The following CYP2F1 variants were observed in gnomAD, a reference collection of about 807,000 sequenced individuals.
The protein encoded by CYP2F1 is cytochrome P450 family 2 subfamily F member 1, also known as cytochrome P450 2F1.
Under a neutral mutation model 40.4 loss-of-function variants are expected in CYP2F1, and 33 were observed. That is an observed-to-expected ratio of 0.82 (90% CI 0.62 to 1.09). The LOEUF is 1.09. Ranked by LOEUF, CYP2F1 falls within the 50% of genes least tolerant of loss-of-function variation. The probability of loss-of-function intolerance (pLI) is 0.00; values close to 1 mark genes in which losing one functional copy is unlikely to be tolerated. For synonymous variants in CYP2F1, 235 were observed against 277.2 expected (o/e 0.85, Z 1.51); for missense variants, 566 against 655.7 (o/e 0.86, Z 1.49).
At chr19:41,125,448 TC>T in intron 8 of CYP2F1, 44 bp from the exon 9 acceptor site, 2 of 1,092,090 alleles carry the variant, frequency 1.8e-6, no homozygotes, top group Non-Finnish European at 1.3e-6. Flanking sequence ...TTTGGGAGCC[TC>T]CCAGCCCTCC....
intron 7 of CYP2F1, 115 bp from the exon 8 acceptor site, chr19:41,124,604 C>T: frequency 1.0e-6 from 1 of 985,646 alleles, no homozygotes; most frequent in Non-Finnish European, 1.5e-6. Flanking sequence ...AGTGGCGCCC[C>T]GCGCTGGGAG....
At chr19:41,115,475 C>T (rs141019773) in intron 1 of CYP2F1, among the ~76,000 whole-genome samples, 2 of 152,296 alleles carry the variant, frequency 1.3e-5, no homozygotes, top group African/African-American at 4.8e-5. Context: ...GTCTCTGTCC[C>T]TGTGTGTCTT....
At chr19:41,127,730 T>C (rs1238745143) in intron 9 of CYP2F1, among the ~76,000 whole-genome samples, 171 bp from the exon 10 acceptor site, 4 of 152,148 alleles carry the variant, frequency 2.6e-5, no homozygotes, top group Non-Finnish European at 5.9e-5. Context: ...GCAGCCCAGG[T>C]CATTCCACTC....
chr19:41,125,148 C>A (rs1192505144), intron 8 of CYP2F1: 2 of 561,822 alleles, frequency 3.6e-6, no homozygotes, highest in Non-Finnish European at 6.2e-6. Context: ...TTCCTAGAAC[C>A]CCTCCCTGGA....
chr19:41,119,183 G>C (rs75520282), intron 3 of CYP2F1, among the ~76,000 whole-genome samples: 1 of 152,302 alleles, frequency 6.6e-6, no homozygotes, highest in Non-Finnish European at 1.5e-5. Flanking sequence ...GGGTGAAAGT[G>C]CTCTGGGAAA....
At chr19:41,119,748 T>TATATATATATATATATACAC (rs1337166345) in intron 3 of CYP2F1, among the ~76,000 whole-genome samples, 5 of 36,092 alleles carry the variant, frequency 1.4e-4, no homozygotes, top group East Asian at 1.2e-3. Flanking sequence ...TATATATATA[T>TATATATATATATATATACAC]ACACACACAC....
At position 41,120,398 on chromosome 19, in the gene CYP2F1, T is replaced by G; in HGVS notation, c.386T>G (p.Ile129Ser). The G allele has an allele frequency of 6.2e-7, 1 of 1,614,028 alleles. No homozygotes were observed. The highest frequency in any genetic ancestry group is 8.5e-7 in the Non-Finnish European group (1 of 1,179,974). ...DRWKVLRQFS[I>S]QILRNFGMGK... is the part of the protein sequence containing the mutation. Reference sequence around the variant, plus strand: ...TGGAAGGTCCTGAGACAGTTCTCTATCCAGATTCTACGGAATTTCGGGATG... The same window carrying G: ...TGGAAGGTCCTGAGACAGTTCTCTAGCCAGATTCTACGGAATTTCGGGATG... Residue 129 changes from isoleucine (I) to serine (S), a missense_variant, in exon 4 of 10, where the codon ATC becomes AGC. By Grantham distance (142) the Ile-to-Ser change is moderately radical. Around this residue, in one of 5 missense-constraint regions of CYP2F1, gnomAD observed 264 missense variants for 275.7 expected, o/e 0.96. Coordinates refer to ENST00000331105, the MANE Select transcript of CYP2F1 (RefSeq NM_000774.5).
intron 7 of CYP2F1, among the ~76,000 whole-genome samples, chr19:41,124,255 C>CACTT (rs1568381420): frequency 2.8e-5 from 1 of 35,250 alleles, no homozygotes; most frequent in African/African-American, 1.2e-4. Flanking sequence ...TCCCCCCCCC[C>CACTT]TTTTTTTTTT....
At chr19:41,120,991 G>C (rs2032162445) in intron 4 of CYP2F1, among the ~76,000 whole-genome samples, 1 of 151,984 alleles carries the variant, frequency 6.6e-6, no homozygotes, top group African/African-American at 2.4e-5. Flanking sequence ...TTGTGTGGCA[G>C]GATTATGTAG....
intron 3 of CYP2F1, among the ~76,000 whole-genome samples, chr19:41,117,262 C>A (rs961192678): frequency 6.6e-5 from 10 of 152,088 alleles, no homozygotes; most frequent in Non-Finnish European, 1.5e-4. Flanking sequence ...TCCTGAGTAG[C>A]TGGGACTACA....
intron 7 of CYP2F1, 80 bp downstream of exon 7, chr19:41,123,043 TC>T: frequency 6.7e-7 from 1 of 1,498,498 alleles, no homozygotes; most frequent in Non-Finnish European, 9.1e-7. Flanking sequence ...CGGCCCCGCC[TC>T]CCAGGTCTGA....
intron 4 of CYP2F1, among the ~76,000 whole-genome samples, chr19:41,121,226 G>A (rs556968279): frequency 2.0e-5 from 3 of 152,034 alleles, no homozygotes; most frequent in Non-Finnish European, 2.9e-5. Context: ...GTGGTTGGGC[G>A]TTGTTGCTGT....
At chr19:41,117,293 GT>G in intron 3 of CYP2F1, among the ~76,000 whole-genome samples, 1 of 152,096 alleles carries the variant, frequency 6.6e-6, no homozygotes, top group South Asian at 2.1e-4. Flanking sequence ...ACCACACCTG[GT>G]TAATGTTTTG....
At chr19:41,117,265 G>C (rs562735732) in intron 3 of CYP2F1, among the ~76,000 whole-genome samples, 3 of 152,090 alleles carry the variant, frequency 2.0e-5, no homozygotes, top group African/African-American at 7.2e-5. Flanking sequence ...TGAGTAGCTG[G>C]GACTACAGGT....
rs1805060663 is a variant in CYP2F1, at chr19:41,120,415, T to C, written c.403T>C (p.Phe135Leu). Residue 135 changes from phenylalanine to leucine, a missense_variant, in exon 4 of 10, where the codon TTC becomes CTC. By Grantham distance (22) the Phe-to-Leu change is conservative. Transcript: ENST00000331105. ...GTTCTCTATCCAGATTCTACGGAAT[T>C]TCGGGATGGGGAAGAGAAGCATTGA... ...RQFSIQILRN[F>L]GMGKRSIEER... is the part of the protein sequence containing the mutation. 3 of 1,613,922 alleles carry C rather than the reference T, an allele frequency of 1.9e-6. No individual in the cohort carries two copies. Among genetic ancestry groups the C allele is most frequent in the African/African-American group, 2.7e-5 (2 of 74,900 alleles).
chr19:41,116,735 A>T lies in CYP2F1; in HGVS notation c.334+118A>T. On this transcript the variant is annotated intron_variant, in intron 3 of 9. Transcript: ENST00000331105. ...CTCAGGGCTGCTGACATCACTGATG[A>T]CACCAAATGCAATGCAGCGAGGCAG... is the stretch of plus-strand genomic sequence containing the variant. 7.8e-6 allele frequency: 9 copies of T among 1,157,318 alleles called. No individual in the cohort carries two copies. The South Asian group carries it at 1.1e-4, about 14-fold the overall frequency. The allele number at this position is 1,157,318 out of a possible 1,614,324, so 71.7% of individuals were successfully genotyped here.
chr19:41,124,248 C>CCG (rs1568381358), intron 7 of CYP2F1, among the ~76,000 whole-genome samples: 3 of 101,714 alleles, frequency 2.9e-5, no homozygotes, highest in African/African-American at 1.2e-4. Context: ...TTCCTCTTCC[C>CCG]CCCCCCCTTT....
chr19:41,114,538 C>T (rs2031672538), intron 1 of CYP2F1, 46 bp downstream of exon 1: 1 of 152,262 alleles, frequency 6.6e-6, no homozygotes, highest in Admixed American at 6.6e-5. Context: ...GGGTGTCTCC[C>T]AAGAGAGGGT....
intron 3 of CYP2F1, 59 bp downstream of exon 3, chr19:41,116,676 A>AG: frequency 6.4e-7 from 1 of 1,566,058 alleles, no homozygotes; most frequent in South Asian, 1.1e-5. Flanking sequence ...GGAGGGGGTG[A>AG]GGGTGAGAGA....
Sources: gnomAD v4.1 joint callset for allele counts (sites outside exome capture counted in the v4.1 genomes callset) on GRCh38, gnomAD v4.1.1 for gene constraint, gnomAD v4.1.1 regional missense constraint, MANE v1.5 for transcripts, NCBI Gene and HGNC (gene_info 2026-07-23, HGNC 2026-07-21) for gene names.